SEMA6D: variants seen among roughly 807,000 people sequenced by gnomAD.
SEMA6D encodes the protein semaphorin-6D.
Under a neutral mutation model 106.6 loss-of-function variants are expected in SEMA6D, and 35 were observed. The ratio of observed to expected loss-of-function variants is 0.33; its 90% CI spans 0.25 to 0.44. The LOEUF is 0.44. Among genes scored for constraint, SEMA6D ranks in the 20% least tolerant of loss-of-function variants. The probability of loss-of-function intolerance (pLI) is 1.00; values close to 1 mark genes in which losing one functional copy is unlikely to be tolerated. For missense variants in SEMA6D, 1,185 were observed against 1,345.9 expected (o/e 0.88, Z 1.87); for synonymous variants, 499 against 487.7 (o/e 1.02, Z -0.31).
intron 2 of SEMA6D, among the ~76,000 whole-genome samples, chr15:47,424,696 T>C (rs2041276252): frequency 6.6e-6 from 1 of 152,108 alleles, no homozygotes; most frequent in East Asian, 1.9e-4. Flanking sequence ...AGAATAAGTT[T>C]GAATAAGATA....
intron 3 of SEMA6D, among the ~76,000 whole-genome samples, chr15:47,567,207 C>T (rs1427492845): frequency 6.6e-6 from 1 of 152,094 alleles, no homozygotes; most frequent in Non-Finnish European, 1.5e-5. Flanking sequence ...GGTCTGCATT[C>T]TCCATTGTTA....
At chr15:47,520,890 G>T (rs536307839) in intron 3 of SEMA6D, among the ~76,000 whole-genome samples, 1 of 152,328 alleles carries the variant, frequency 6.6e-6, no homozygotes, top group Admixed American at 6.5e-5. Context: ...TGCTGGCCAT[G>T]TTTTTGAGGC....
At chr15:47,760,930 C>T in intron 3 of SEMA6D, 48 bp from the exon 4 acceptor site, 1 of 1,515,494 alleles carries the variant, frequency 6.6e-7, no homozygotes, top group Non-Finnish European at 9.1e-7. Context: ...AGCAGCTTAA[C>T]ATTTTTATGT....
chr15:47,359,124 A>G (rs184104468), intron 1 of SEMA6D, among the ~76,000 whole-genome samples: 27 of 152,264 alleles, frequency 1.8e-4, no homozygotes, highest in African/African-American at 6.5e-4. Context: ...TATGCCTTAT[A>G]GTACCCAGCA....
chr15:47,733,527 G>A (rs1037936319), intron 1 of SEMA6D, among the ~76,000 whole-genome samples: 4 of 152,120 alleles, frequency 2.6e-5, no homozygotes, highest in African/African-American at 9.7e-5. Context: ...TGTTCCTTAA[G>A]GGAAAGCAAT....
chr15:47,481,572 G>C (rs989527408), intron 3 of SEMA6D, among the ~76,000 whole-genome samples: 5 of 152,106 alleles, frequency 3.3e-5, no homozygotes, highest in African/African-American at 1.2e-4. Flanking sequence ...CACAACCATT[G>C]CAATTTCCAG....
chr15:47,316,776 T>A (rs1175750730), intron 1 of SEMA6D, among the ~76,000 whole-genome samples: 1 of 152,136 alleles, frequency 6.6e-6, no homozygotes, highest in East Asian at 1.9e-4. Context: ...TAAATCTCAC[T>A]TGGTTGTGGT....
At chr15:47,262,657 A>G (rs967324706) in intron 1 of SEMA6D, among the ~76,000 whole-genome samples, 9 of 152,120 alleles carry the variant, frequency 5.9e-5, no homozygotes, top group East Asian at 5.8e-4. Context: ...AAACCATATC[A>G]AACTACCATT....
intron 1 of SEMA6D, among the ~76,000 whole-genome samples, chr15:47,327,671 T>C (rs1199246377): frequency 6.6e-6 from 1 of 152,192 alleles, no homozygotes; most frequent in African/African-American, 2.4e-5. Flanking sequence ...CTCACTTAGC[T>C]GAGAACTCCT....
intron 3 of SEMA6D, among the ~76,000 whole-genome samples, chr15:47,475,794 A>G (rs1363466678): frequency 6.6e-6 from 1 of 152,334 alleles, no homozygotes; most frequent in Non-Finnish European, 1.5e-5. Context: ...TACTTTTTCC[A>G]AAGTTTGGAT....
At chr15:47,307,363 A>G (rs1034533769) in intron 1 of SEMA6D, among the ~76,000 whole-genome samples, 2 of 152,226 alleles carry the variant, frequency 1.3e-5, no homozygotes, top group African/African-American at 2.4e-5. Context: ...CCATCAAATG[A>G]CAGGGAACCT....
intron 1 of SEMA6D, among the ~76,000 whole-genome samples, chr15:47,309,736 T>TAA (rs373330314): frequency 1.1e-3 from 161 of 152,284 alleles, no homozygotes; most frequent in African/African-American, 3.8e-3. Flanking sequence ...TCAGAACACT[T>TAA]ATATTAGCCT....
intron 2 of SEMA6D, among the ~76,000 whole-genome samples, chr15:47,439,824 A>G (rs367982360): frequency 2.0e-5 from 3 of 152,244 alleles, no homozygotes; most frequent in African/African-American, 7.2e-5. Flanking sequence ...CTTCACTGGG[A>G]TACTGCAAAA....
intron 2 of SEMA6D, among the ~76,000 whole-genome samples, chr15:47,422,236 T>TCC (rs1248648261): frequency 1.3e-4 from 20 of 149,478 alleles, no homozygotes; most frequent in East Asian, 3.9e-4. Context: ...CTTCCTTCCA[T>TCC]TTTCTTATAA....
At chr15:47,431,093 T>C (rs2041506623) in intron 2 of SEMA6D, among the ~76,000 whole-genome samples, 1 of 152,120 alleles carries the variant, frequency 6.6e-6, no homozygotes, top group African/African-American at 2.4e-5. Context: ...TAGATTGAAA[T>C]AAATTTTTAC....
chr15:47,498,471 A>G lies in SEMA6D; in HGVS notation c.-87+27926A>G, dbSNP rs143463252. Among the ~76,000 whole-genome samples the G allele has an allele frequency of 4.6e-5, 7 of 152,240 alleles. 1 individual carries two copies. The East Asian group carries it at 1.4e-3, about 29-fold the overall frequency. On this transcript the variant is annotated intron_variant, in intron 3 of 19. Transcript: ENST00000558014. Reference sequence around the variant, plus strand: ...ACTAGGGGAGATATATTTGAATGGGAAAGAGAGGTGCTTTCTCAACTCTTG... The same window carrying G: ...ACTAGGGGAGATATATTTGAATGGGGAAGAGAGGTGCTTTCTCAACTCTTG...
intron 1 of SEMA6D, among the ~76,000 whole-genome samples, chr15:47,399,218 G>A (rs569933250): frequency 4.6e-5 from 7 of 152,138 alleles, no homozygotes; most frequent in Non-Finnish European, 1.0e-4. Context: ...AAGAGGTTAA[G>A]TGATTTGCTC....
intron 3 of SEMA6D, among the ~76,000 whole-genome samples, chr15:47,580,946 C>T (rs1192502488): frequency 4.6e-5 from 7 of 152,182 alleles, no homozygotes; most frequent in Non-Finnish European, 8.8e-5. Context: ...TAGGAATATA[C>T]AGAGTGGACA....
intron 1 of SEMA6D, among the ~76,000 whole-genome samples, chr15:47,291,105 C>A (rs565128184): frequency 6.6e-6 from 1 of 152,246 alleles, no homozygotes; most frequent in East Asian, 1.9e-4. Flanking sequence ...TTCCTCATAT[C>A]CAACTTGGAT....
Sources: gnomAD v4.1 joint callset for allele counts (sites outside exome capture counted in the v4.1 genomes callset) on GRCh38, gnomAD v4.1.1 for gene constraint, MANE v1.5 for transcripts, NCBI Gene and HGNC (gene_info 2026-07-23, HGNC 2026-07-21) for gene names.